The following GAD2 variants were observed in gnomAD, a reference collection of about 807,000 sequenced individuals.
GAD2 encodes the protein 65 kDa glutamic acid decarboxylase.
Under a neutral mutation model 80.1 loss-of-function variants are expected in GAD2, and 22 were observed. The ratio of observed to expected loss-of-function variants is 0.27; its 90% CI spans 0.20 to 0.39. The LOEUF is 0.39. Among genes scored for constraint, GAD2 ranks in the 10% least tolerant of loss-of-function variants. The probability of loss-of-function intolerance (pLI) is 1.00; values close to 1 mark genes in which losing one functional copy is unlikely to be tolerated. For synonymous variants in GAD2, 274 were observed against 256.9 expected, an observed-to-expected ratio of 1.07 and a Z score of -0.64; for missense variants, 624 against 738.4, an observed-to-expected ratio of 0.85 and a Z score of 1.80.
In GAD2 at chr10:26,301,359, G is replaced by A. The variant is rs889731872; in HGVS notation, c.*398G>A. The A allele has an allele frequency of 6.5e-6, 1 of 153,004 alleles. No individual in the cohort carries two copies. The highest frequency in any genetic ancestry group is 2.4e-5 in the African/African-American group (1 of 41,394). 9.5% of individuals were successfully genotyped at this position (153,004 alleles called of 1,614,324 possible). Reference sequence around the variant, plus strand: ...AGGACAAAGTAAATATAAAATATATGTTGACAATAAAAACTCTTGCCTTTT... The same window carrying A: ...AGGACAAAGTAAATATAAAATATATATTGACAATAAAAACTCTTGCCTTTT... On this transcript the variant is annotated 3_prime_UTR_variant, in exon 16 of 16. Transcript: ENST00000376261.
In GAD2 at chr10:26,281,045, G is replaced by A. The variant is rs1239661345; in HGVS notation, c.1194G>A (p.Met398Ile). Residue 398 changes from methionine (M) to isoleucine (I), a missense_variant, in exon 12 of 16, where the codon ATG becomes ATA. Met to Ile is a conservative substitution (Grantham distance 10, BLOSUM62 1). Transcript: ENST00000376261. The stretch of plus-strand genomic sequence containing the variant: ...TGACGTGGAATCCACACAAGATGAT[G>A]GGAGTCCCTTTGCAGTGCTCTGCTC... ...NSVTWNPHKMMGVPLQCSALL... is the reference protein window; with the variant it reads ...NSVTWNPHKMIGVPLQCSALL... 13 of 1,613,646 alleles carry A rather than the reference G, an allele frequency of 8.1e-6. No homozygotes were observed. The South Asian group carries it at 1.1e-4, about 14-fold the overall frequency.
chr10:26,253,298 G>A (rs963389203), intron 8 of GAD2, among the ~76,000 whole-genome samples: 1 of 152,106 alleles, frequency 6.6e-6, no homozygotes, highest in African/African-American at 2.4e-5. Flanking sequence ...ACAGCTTGAG[G>A]TTTCCTTTCC....
intron 8 of GAD2, among the ~76,000 whole-genome samples, chr10:26,257,788 A>G (rs1325194575): frequency 6.6e-6 from 1 of 152,236 alleles, no homozygotes; most frequent in Non-Finnish European, 1.5e-5. Flanking sequence ...TAAACAATTG[A>G]AAGTATAAAT....
rs781288492 is a variant in GAD2 at position 26,300,867 on chromosome 10, A to G, written c.1664A>G (p.Asn555Ser). ...VSYQPLGDKV[N>S]FFRMVISNPA... is the part of the protein sequence containing the mutation. ...TACCAACCCTTGGGAGACAAGGTCA[A>G]TTTCTTCCGCATGGTCATCTCAAAC... The change falls in exon 16 of 16, where the codon AAT becomes AGT. Residue 555 changes from asparagine (N) to serine (S), a missense_variant. Asn to Ser is a conservative substitution (Grantham distance 46). Transcript: ENST00000376261. The G allele has an allele frequency of 3.7e-6, 6 of 1,613,934 alleles. No homozygotes were observed. Among genetic ancestry groups the G allele is most frequent in the East Asian group, 4.5e-5 (2 of 44,860 alleles).
intron 13 of GAD2, among the ~76,000 whole-genome samples, chr10:26,292,092 T>C (rs1834221370): frequency 6.6e-6 from 1 of 151,812 alleles, no homozygotes; most frequent in African/African-American, 2.4e-5. Flanking sequence ...TTCTGGGGGG[T>C]CTCTGGTGAT....
chr10:26,219,020 G>C, intron 3 of GAD2, 23 bp from the exon 4 acceptor site: 3 of 1,477,722 alleles, frequency 2.0e-6, no homozygotes, highest in Non-Finnish European at 2.7e-6. Flanking sequence ...ATTAAAATGT[G>C]GCATTTTAAT....
rs2132266885 is a variant in GAD2, at chr10:26,216,915, G to C, written c.76+30G>C. 6.3e-7 allele frequency: 1 copy of C among 1,589,844 alleles called. No individual in the cohort carries two copies. Among genetic ancestry groups the C allele is most frequent in the East Asian group, 2.3e-5 (1 of 43,766 alleles). On this transcript the variant is annotated intron_variant, in intron 1 of 15. Transcript: ENST00000376261. This position sits in a 1 kb window ranked among gnomAD's most constrained non-coding sequence, Gnocchi z 4.7. ...GAAGGAGAACGGGGGCCTGCGGCGG[G>C]CGAGTTTTGCGGTGGTCTGGGGTTT...
At position 26,300,977 on chromosome 10, in the gene GAD2, A is replaced by G. The variant is rs781127156; in HGVS notation, c.*16A>G. On this transcript the variant is annotated 3_prime_UTR_variant, in exon 16 of 16. Coordinates refer to ENST00000376261, the MANE Select transcript of GAD2 (RefSeq NM_001134366.2). ...AGATTTATAATAACCTTGCTCACCA[A>G]GCTGTTCCACTTCTCTAGGTAGACA... 1.9e-6 allele frequency: 3 copies of G among 1,606,158 alleles called. No individual in the cohort carries two copies. The highest frequency in any genetic ancestry group is 1.7e-5 in the Admixed American group (1 of 59,972).
intron 15 of GAD2, among the ~76,000 whole-genome samples, chr10:26,298,440 C>T (rs56201961): frequency 0.017 from 2,664 of 152,250 alleles, 80 homozygotes; most frequent in African/African-American, 0.061. Context: ...GTGATTTCTG[C>T]CAATTCAGCT....
intron 8 of GAD2, among the ~76,000 whole-genome samples, chr10:26,255,122 C>T (rs763808692): frequency 6.6e-6 from 1 of 152,182 alleles, no homozygotes; most frequent in Non-Finnish European, 1.5e-5. Flanking sequence ...CAGGAGCATC[C>T]ACACTTCAGG....
intron 4 of GAD2, among the ~76,000 whole-genome samples, chr10:26,222,437 C>T (rs1323742959): frequency 1.3e-5 from 2 of 151,456 alleles, no homozygotes; most frequent in Admixed American, 6.6e-5. Flanking sequence ...GAAGGAGCAT[C>T]GGGAGGGAGG....
chr10:26,219,478 A>G (rs1011093906), intron 4 of GAD2, among the ~76,000 whole-genome samples: 1 of 152,220 alleles, frequency 6.6e-6, no homozygotes, highest in South Asian at 2.1e-4. Context: ...TCTGAAGTTG[A>G]TAATGTCAGA....
At chr10:26,236,476 T>C (rs941726365) in intron 7 of GAD2, among the ~76,000 whole-genome samples, 2 of 152,040 alleles carry the variant, frequency 1.3e-5, no homozygotes, top group Non-Finnish European at 2.9e-5. Context: ...AAGTTCTGTA[T>C]TTTTAGTAGA....
At chr10:26,289,787 C>T (rs1196816736) in intron 13 of GAD2, among the ~76,000 whole-genome samples, 1 of 144,906 alleles carries the variant, frequency 6.9e-6, no homozygotes, top group Non-Finnish European at 1.5e-5. Flanking sequence ...TACATCTCCC[C>T]CCCACCTTTT....
intron 8 of GAD2, among the ~76,000 whole-genome samples, chr10:26,249,725 T>G (rs949483484): frequency 6.6e-6 from 1 of 152,250 alleles, no homozygotes; most frequent in Non-Finnish European, 1.5e-5. Flanking sequence ...CCAGGCCAGC[T>G]AGGCGGCTCA....
chr10:26,290,462 A>G (rs1329886624), intron 13 of GAD2, among the ~76,000 whole-genome samples: 1 of 152,222 alleles, frequency 6.6e-6, no homozygotes, highest in East Asian at 1.9e-4. Context: ...TGAGAAGGCC[A>G]TTCCACGGAG....
chr10:26,282,919 G>C (rs571414377), intron 12 of GAD2, among the ~76,000 whole-genome samples: 1 of 152,162 alleles, frequency 6.6e-6, no homozygotes, highest in Non-Finnish European at 1.5e-5. Flanking sequence ...TTTTTCATCA[G>C]TTAAAAATCC....
At chr10:26,266,442 G>A (rs374932939) in intron 8 of GAD2, among the ~76,000 whole-genome samples, 8 of 152,320 alleles carry the variant, frequency 5.3e-5, no homozygotes, top group South Asian at 4.1e-4. Context: ...CCCCCAAGGC[G>A]TCCATATTCA....
intron 4 of GAD2, among the ~76,000 whole-genome samples, chr10:26,220,178 T>C (rs2132269694): frequency 6.6e-6 from 1 of 152,304 alleles, no homozygotes; most frequent in South Asian, 2.1e-4. Context: ...TGACACTTCA[T>C]TACGGCAATA....
Sources: allele counts gnomAD v4.1 joint callset (sites outside exome capture counted in the v4.1 genomes callset), GRCh38; gene constraint gnomAD v4.1.1; non-coding constraint Gnocchi (gnomAD v3.1); transcripts MANE v1.5; gene names NCBI Gene and HGNC (gene_info 2026-07-23, HGNC 2026-07-21).